TUSC3: variants seen among roughly 807,000 people sequenced by gnomAD.
TUSC3 encodes dolichyl-diphosphooligosaccharide--protein glycosyltransferase subunit TUSC3.
TUSC3 carries 45 observed loss-of-function variants against 44.8 expected under a neutral mutation model. That is an observed-to-expected ratio of 1.00 (90% CI 0.79 to 1.29). TUSC3 has a LOEUF of 1.29. Among genes scored for constraint, TUSC3 ranks in the 50% most tolerant of loss-of-function variants. TUSC3 has a pLI of 0.00. For missense variants in TUSC3, 519 were observed against 437.9 expected (o/e 1.19, Z -1.65); for synonymous variants, 212 against 152.9 (o/e 1.39, Z -2.85).
intron 6 of TUSC3, among the ~76,000 whole-genome samples, chr8:15,712,783 G>C (rs1035227730): frequency 6.6e-6 from 1 of 152,028 alleles, no homozygotes; most frequent in African/African-American, 2.4e-5. Context: ...CTTTATTCTA[G>C]TCTTCACAGG....
chr8:15,706,547 G>A (rs1427673793), intron 6 of TUSC3, among the ~76,000 whole-genome samples: 2 of 152,006 alleles, frequency 1.3e-5, no homozygotes, highest in Non-Finnish European at 2.9e-5. Flanking sequence ...AGGGTTTGAA[G>A]TGTTAATAGA....
chr8:15,526,664 C>A (rs543633732), intron 2 of TUSC3, among the ~76,000 whole-genome samples: 1 of 152,158 alleles, frequency 6.6e-6, no homozygotes, highest in Non-Finnish European at 1.5e-5. Context: ...TGAGGCCTCT[C>A]CAGTTACGTG....
intron 2 of TUSC3, among the ~76,000 whole-genome samples, chr8:15,526,957 A>C (rs1801381021): frequency 6.6e-6 from 1 of 152,220 alleles, no homozygotes. Context: ...ACTAAAGGAT[A>C]AAGGATTAAG....
chr8:15,454,490 T>A lies in TUSC3; in HGVS notation n.92-28896T>A, dbSNP rs1454553402. ...CACAGATTTGATTTAGCTAAAGGAA[T>A]CTATTTTGCTTTGCCAGGGTTTCTG... On this transcript the variant is annotated intron_variant and non_coding_transcript_variant, in intron 1 of 5. Transcript: ENST00000503191. Among the ~76,000 whole-genome samples the A allele has an allele frequency of 3.3e-5, 5 of 152,200 alleles. 1 individual carries two copies. The highest frequency in any genetic ancestry group is 4.1e-4 in the South Asian group (2 of 4,832).
intron 1 of TUSC3, among the ~76,000 whole-genome samples, chr8:15,607,190 G>C (rs1470629882): frequency 4.6e-5 from 7 of 151,958 alleles, no homozygotes. Flanking sequence ...GAAAAGAGCT[G>C]TGTTAATTCT....
At chr8:15,797,842 C>T in the TUSC3 span, among the ~76,000 whole-genome samples, 7 of 152,214 alleles carry the variant, frequency 4.6e-5, no homozygotes, top group South Asian at 4.1e-4. Context: ...TCCGCAACGG[C>T]TGACGTGTTG....
rs1166501780 is a variant in TUSC3 at position 15,710,204 on chromosome 8, G to C, written c.799-20462G>C. 7.9e-5 allele frequency among the ~76,000 whole-genome samples: 12 copies of C among 151,884 alleles called. No homozygotes were observed. The East Asian group carries it at 2.3e-3, about 29-fold the overall frequency. ...ATGATGATCTCTCCCAAGAAACTTT[G>C]TCTGTTTCTCCACCCTTCCTCTTAA... On this transcript the variant is annotated intron_variant, in intron 6 of 10. Coordinates refer to ENST00000503731, the MANE Select transcript of TUSC3 (RefSeq NM_006765.4).
intron 1 of TUSC3, among the ~76,000 whole-genome samples, chr8:15,467,360 T>A (rs1283080735): frequency 6.6e-6 from 1 of 151,584 alleles, no homozygotes; most frequent in Non-Finnish European, 1.5e-5. Context: ...ACTCACTAAG[T>A]CAAAAACTAT....
the TUSC3 span, among the ~76,000 whole-genome samples, chr8:15,814,054 G>A: frequency 6.6e-6 from 1 of 152,214 alleles, no homozygotes; most frequent in Non-Finnish European, 1.5e-5. Context: ...CTGCCTGGAT[G>A]TAGAGTACTT....
At chr8:15,608,656 C>T (rs973066542) in intron 1 of TUSC3, among the ~76,000 whole-genome samples, 1 of 152,032 alleles carries the variant, frequency 6.6e-6, no homozygotes, top group Non-Finnish European at 1.5e-5. Flanking sequence ...GCGTGAGTCT[C>T]GTGAGATCCG....
chr8:15,843,596 ATATATATATATAT>A, the TUSC3 span, among the ~76,000 whole-genome samples: 1 of 136,148 alleles, frequency 7.3e-6, no homozygotes, highest in East Asian at 2.0e-4. Context: ...TGATGTACAT[ATATATATATATAT>A]ATATATATAT....
At chr8:15,806,529 T>C in the TUSC3 span, 2 of 1,364,334 alleles carry the variant, frequency 1.5e-6, no homozygotes, top group East Asian at 2.3e-5. Context: ...ACTTCAAGCC[T>C]GGATCTTACA....
At chr8:15,592,133 C>A (rs542232058) in intron 1 of TUSC3, among the ~76,000 whole-genome samples, 1 of 152,232 alleles carries the variant, frequency 6.6e-6, no homozygotes, top group East Asian at 1.9e-4. Context: ...CAGATACTTC[C>A]TAGATTCTTG....
chr8:15,615,049 A>G (rs925874346), intron 1 of TUSC3, among the ~76,000 whole-genome samples: 2 of 152,104 alleles, frequency 1.3e-5, no homozygotes, highest in Non-Finnish European at 2.9e-5. Context: ...AAAACAGTAT[A>G]GAGATTTCTT....
At chr8:15,612,542 A>G (rs1039936923) in intron 1 of TUSC3, among the ~76,000 whole-genome samples, 4 of 152,234 alleles carry the variant, frequency 2.6e-5, no homozygotes, top group African/African-American at 9.6e-5. Flanking sequence ...GGAGACTGGT[A>G]TATAGATTAT....
chr8:15,670,645 A>G (rs1474646522), intron 5 of TUSC3, among the ~76,000 whole-genome samples: 2 of 151,874 alleles, frequency 1.3e-5, no homozygotes, highest in Admixed American at 1.3e-4. Flanking sequence ...TTAAAACAGA[A>G]CATAAGAAGT....
At chr8:15,657,049 A>T (rs1007787363) in intron 3 of TUSC3, among the ~76,000 whole-genome samples, 1 of 152,004 alleles carries the variant, frequency 6.6e-6, no homozygotes, top group African/African-American at 2.4e-5. Context: ...TCCCATAGAT[A>T]CCCCAGGTTT....
intron 6 of TUSC3, among the ~76,000 whole-genome samples, chr8:15,690,933 C>CCAAA (rs1171994782): frequency 6.6e-6 from 1 of 151,560 alleles, no homozygotes; most frequent in African/African-American, 2.4e-5. Flanking sequence ...TCTGGTAATG[C>CCAAA]CAAATGCCTC....
Position 15,526,104 on chromosome 8 carries a change from C to G in TUSC3, n.189+42621C>G, listed in dbSNP as rs529650732. Among the ~76,000 whole-genome samples, 4 of 151,988 alleles carry G rather than the reference C, an allele frequency of 2.6e-5. No individual in the cohort carries two copies. The South Asian group carries it at 6.2e-4, about 24-fold the overall frequency. ...CTGGAGTGCAGTGGCACCATCTCGG[C>G]TCACTGCAAGCTCCGCCTCCAGGGT... On this transcript the variant is annotated intron_variant and non_coding_transcript_variant, in intron 2 of 5. Coordinates refer to the TUSC3 transcript ENST00000503191.
Sources: gnomAD v4.1 joint callset for allele counts (sites outside exome capture counted in the v4.1 genomes callset) on GRCh38, gnomAD v4.1.1 for gene constraint, MANE v1.5 for transcripts, NCBI Gene and HGNC (gene_info 2026-07-23, HGNC 2026-07-21) for gene names.